UMAD1: variants seen among roughly 807,000 people sequenced by gnomAD.
UMAD1 encodes the protein UBAP1-MVB12-associated (UMA) domain containing 1, also known as UBAP1-MVB12-associated (UMA)-domain containing protein 1.
Under a neutral mutation model 6.1 loss-of-function variants are expected in UMAD1, and 8 were observed. The ratio of observed to expected loss-of-function variants is 1.30; its 90% CI spans 0.76 to 2.35. The LOEUF (loss-of-function observed/expected upper bound fraction) is 2.35, where lower values mean the gene tolerates loss of function less well. Among genes scored for constraint, UMAD1 ranks in the 30% most tolerant of loss-of-function variants. The probability of loss-of-function intolerance (pLI) is 0.00; values close to 1 mark genes in which losing one functional copy is unlikely to be tolerated. For synonymous variants in UMAD1, 56 were observed against 31.4 expected (o/e 1.78, Z -2.61); for missense variants, 130 against 78.4 (o/e 1.66, Z -2.49).
intron 3 of UMAD1, among the ~76,000 whole-genome samples, chr7:7,876,140 G>A (rs1300236938): frequency 6.6e-6 from 1 of 152,242 alleles, no homozygotes; most frequent in African/African-American, 2.4e-5. Flanking sequence ...GCTAGCGCTT[G>A]GAAGGAGATA....
chr7:7,716,944 C>T (rs1445220474), intron 2 of UMAD1, among the ~76,000 whole-genome samples: 2 of 152,122 alleles, frequency 1.3e-5, no homozygotes, highest in Non-Finnish European at 1.5e-5. Flanking sequence ...AATCAGACAC[C>T]GCCTCCTATA....
At chr7:7,836,119 G>A (rs1174540370) in intron 3 of UMAD1, among the ~76,000 whole-genome samples, 3 of 151,882 alleles carry the variant, frequency 2.0e-5, no homozygotes, top group Admixed American at 6.6e-5. Flanking sequence ...GGTTTTCTTA[G>A]CTACAATAAT....
At chr7:7,828,619 C>G (rs868688490) in intron 3 of UMAD1, among the ~76,000 whole-genome samples, 1 of 152,214 alleles carries the variant, frequency 6.6e-6, no homozygotes, top group South Asian at 2.1e-4. Context: ...AAGGGGCTGC[C>G]TGTAAAGGCT....
chr7:7,796,530 C>T (rs899770886), intron 2 of UMAD1, among the ~76,000 whole-genome samples: 2 of 152,028 alleles, frequency 1.3e-5, no homozygotes, highest in Non-Finnish European at 2.9e-5. Flanking sequence ...GGATTACAGG[C>T]GTGAGCCACC....
intron 3 of UMAD1, among the ~76,000 whole-genome samples, chr7:7,858,321 C>A (rs567175381): frequency 6.6e-6 from 1 of 152,106 alleles, no homozygotes; most frequent in African/African-American, 2.4e-5. Context: ...CTTATTTTTA[C>A]CCTCAGGAGT....
chr7:7,731,482 A>AC (rs60208794), intron 2 of UMAD1, among the ~76,000 whole-genome samples: 8,563 of 112,700 alleles, frequency 0.076, 448 homozygotes, highest in Middle Eastern at 0.14. Context: ...CAAACAAACA[A>AC]CCCCCCCCCA....
intron 3 of UMAD1, among the ~76,000 whole-genome samples, chr7:7,817,150 A>G (rs1252146909): frequency 6.6e-6 from 1 of 152,174 alleles, no homozygotes; most frequent in African/African-American, 2.4e-5. Context: ...TTTATCCCAT[A>G]CGTCTTGTGT....
intron 3 of UMAD1, among the ~76,000 whole-genome samples, chr7:7,812,117 C>G (rs527640923): frequency 1.1e-4 from 16 of 152,276 alleles, no homozygotes; most frequent in African/African-American, 3.9e-4. Context: ...GGTCATAATT[C>G]TGGTGCTTTC....
chr7:7,729,528 G>C (rs1781206721), intron 2 of UMAD1, among the ~76,000 whole-genome samples: 1 of 152,068 alleles, frequency 6.6e-6, no homozygotes, highest in South Asian at 2.1e-4. Context: ...CTATTTCTTT[G>C]CTACCTCATT....
At chr7:7,867,536 A>G (rs1204618248) in intron 3 of UMAD1, among the ~76,000 whole-genome samples, 3 of 152,226 alleles carry the variant, frequency 2.0e-5, no homozygotes, top group African/African-American at 4.8e-5. Flanking sequence ...CAGTAGCAGT[A>G]AGTGCTACAA....
intron 2 of UMAD1, among the ~76,000 whole-genome samples, chr7:7,790,820 T>G (rs1782554748): frequency 6.6e-6 from 1 of 152,222 alleles, no homozygotes; most frequent in Non-Finnish European, 1.5e-5. Flanking sequence ...TATCACATTG[T>G]GCTATCTCTA....
chr7:7,703,345 A>T (rs181153505), intron 2 of UMAD1, among the ~76,000 whole-genome samples: 74 of 152,350 alleles, frequency 4.9e-4, no homozygotes, highest in African/African-American at 1.5e-3. Context: ...ATCAAAATTT[A>T]GACTGAAGAA....
intron 3 of UMAD1, among the ~76,000 whole-genome samples, chr7:7,804,545 C>T (rs748943119): frequency 7.9e-5 from 12 of 152,182 alleles, no homozygotes; most frequent in Non-Finnish European, 1.3e-4. Flanking sequence ...TGGCGCCGTG[C>T]GCCTGTAATC....
chr7:7,670,364 A>G (rs775825215), intron 1 of UMAD1, among the ~76,000 whole-genome samples: 3 of 152,222 alleles, frequency 2.0e-5, no homozygotes, highest in Admixed American at 6.5e-5. Context: ...TATATATACA[A>G]AAGTTCTTGT....
In UMAD1 at chr7:7,710,387, C is replaced by T. The variant is rs1387917873; in HGVS notation, c.82+36934C>T. ...AAACAAAAAACAAAAAAACATAAAA[C>T]CAAATTAGAAAATGGGCAAAAGACA... On this transcript the variant is annotated intron_variant, in intron 2 of 3. Transcript: ENST00000682710. 2.0e-5 allele frequency among the ~76,000 whole-genome samples: 3 copies of T among 152,008 alleles called. No individual in the cohort carries two copies. The East Asian group carries it at 5.8e-4, about 29-fold the overall frequency.
chr7:7,740,274 T>G (rs769595546), intron 2 of UMAD1, among the ~76,000 whole-genome samples: 1 of 152,252 alleles, frequency 6.6e-6, no homozygotes, highest in Non-Finnish European at 1.5e-5. Context: ...ATAAAATGTT[T>G]ACAAGCACCT....
chr7:7,695,780 A>T (rs1390355899), intron 2 of UMAD1, among the ~76,000 whole-genome samples: 1 of 152,152 alleles, frequency 6.6e-6, no homozygotes, highest in East Asian at 1.9e-4. Flanking sequence ...TCAATGTGTC[A>T]CCTTTAGGTT....
intron 2 of UMAD1, among the ~76,000 whole-genome samples, chr7:7,761,515 C>T (rs1258354867): frequency 6.6e-6 from 1 of 152,208 alleles, no homozygotes; most frequent in Non-Finnish European, 1.5e-5. Flanking sequence ...CTCCTTTTCA[C>T]ATCCTTGTGC....
chr7:7,695,731 C>T (rs1302642503), intron 2 of UMAD1, among the ~76,000 whole-genome samples: 2 of 152,280 alleles, frequency 1.3e-5, no homozygotes, highest in East Asian at 3.9e-4. Context: ...CTATGTAGAC[C>T]TAGCATCTTT....
Sources: allele counts gnomAD v4.1 joint callset (sites outside exome capture counted in the v4.1 genomes callset), GRCh38; gene constraint gnomAD v4.1.1; transcripts MANE v1.5; gene names NCBI Gene and HGNC (gene_info 2026-07-23, HGNC 2026-07-21).